The following MYT1L variants were observed in gnomAD, a reference collection of about 807,000 sequenced individuals.
The protein encoded by MYT1L is myelin transcription factor 1 like, also known as myelin transcription factor 1-like protein.
MYT1L carries 12 observed loss-of-function variants against 126.7 expected under a neutral mutation model. The observed-to-expected ratio is 0.09, with a 90% CI of 0.06 to 0.15. The LOEUF (loss-of-function observed/expected upper bound fraction) is 0.15. Among genes scored for constraint, MYT1L ranks in the 10% least tolerant of loss-of-function variants. The probability of loss-of-function intolerance (pLI) is 1.00; values close to 1 mark genes in which losing one functional copy is unlikely to be tolerated. For synonymous variants in MYT1L, 541 were observed against 604.2 expected (o/e 0.90, Z 1.53); for missense variants, 979 against 1,585.2 (o/e 0.62, Z 6.49).
intron 2 of MYT1L, among the ~76,000 whole-genome samples, chr2:2,176,278 G>A (rs1339317983): frequency 6.6e-6 from 1 of 152,144 alleles, no homozygotes; most frequent in Non-Finnish European, 1.5e-5. Context: ...GGAAAAGAAT[G>A]TACAGCCAGT....
intron 18 of MYT1L, among the ~76,000 whole-genome samples, chr2:1,876,635 G>A (rs748314155): frequency 6.6e-6 from 1 of 152,108 alleles, no homozygotes; most frequent in Non-Finnish European, 1.5e-5. Context: ...TATGCGTGCC[G>A]CCATTGAAAC....
intron 2 of MYT1L, among the ~76,000 whole-genome samples, chr2:2,183,449 C>T (rs1221568738): frequency 6.6e-6 from 1 of 152,116 alleles, no homozygotes; most frequent in Non-Finnish European, 1.5e-5. Flanking sequence ...TTTCCTAAAG[C>T]TTGCTTTGTT....
intron 4 of MYT1L, among the ~76,000 whole-genome samples, chr2:2,001,539 G>C (rs943258520): frequency 6.6e-6 from 1 of 152,202 alleles, no homozygotes; most frequent in African/African-American, 2.4e-5. Flanking sequence ...AAGTGAGTGA[G>C]AGCGTCTCTG....
At chr2:1,817,304 T>TC (rs1224922698) in intron 21 of MYT1L, among the ~76,000 whole-genome samples, 1 of 151,732 alleles carries the variant, frequency 6.6e-6, no homozygotes, top group Non-Finnish European at 1.5e-5. Flanking sequence ...GGGAGGCAAG[T>TC]CCCCCATGGG....
intron 21 of MYT1L, among the ~76,000 whole-genome samples, chr2:1,814,156 C>T (rs1012131343): frequency 1.3e-5 from 2 of 152,138 alleles, no homozygotes; most frequent in Admixed American, 6.5e-5. Context: ...TCCCGCTGTC[C>T]ACTCACGAAT....
chr2:2,008,039 G>A (rs2063492080), intron 4 of MYT1L, among the ~76,000 whole-genome samples: 1 of 152,096 alleles, frequency 6.6e-6, no homozygotes, highest in African/African-American at 2.4e-5. Context: ...GGCTTTTTGA[G>A]GCATCTTCTC....
At chr2:1,832,439 G>A (rs1202097861) in intron 21 of MYT1L, among the ~76,000 whole-genome samples, 1 of 152,204 alleles carries the variant, frequency 6.6e-6, no homozygotes, top group Non-Finnish European at 1.5e-5. Flanking sequence ...TTCTTTCCTT[G>A]TGTTCCCAAC....
At chr2:2,129,893 G>A (rs1284923112) in intron 3 of MYT1L, among the ~76,000 whole-genome samples, 4 of 141,408 alleles carry the variant, frequency 2.8e-5, no homozygotes, top group African/African-American at 5.5e-5. Flanking sequence ...GCGACAGAGC[G>A]AGACTCCATC....
At chr2:1,964,248 C>T (rs765777139) in intron 8 of MYT1L, among the ~76,000 whole-genome samples, 6 of 152,156 alleles carry the variant, frequency 3.9e-5, no homozygotes, top group Admixed American at 6.5e-5. Flanking sequence ...CTTACACGGG[C>T]GCGGTTCCTG....
intron 5 of MYT1L, among the ~76,000 whole-genome samples, chr2:1,994,785 T>C (rs1325655536): frequency 6.6e-6 from 1 of 152,226 alleles, no homozygotes; most frequent in Non-Finnish European, 1.5e-5. Flanking sequence ...AATTCAAATA[T>C]GTTTTGCCAT....
intron 4 of MYT1L, 104 bp downstream of exon 4, chr2:2,053,874 A>G (rs1272244265): frequency 6.6e-6 from 1 of 152,626 alleles, no homozygotes; most frequent in Non-Finnish European, 1.5e-5. Context: ...TCATTCACAA[A>G]CCTATATTTA....
chr2:2,144,058 C>G (rs1216807051), intron 3 of MYT1L, among the ~76,000 whole-genome samples: 1 of 152,102 alleles, frequency 6.6e-6, no homozygotes, highest in African/African-American at 2.4e-5. Flanking sequence ...TCATACAATA[C>G]ACCCAGCTAA....
At chr2:1,800,952 A>C (rs909586231) in intron 23 of MYT1L, among the ~76,000 whole-genome samples, 2 of 151,878 alleles carry the variant, frequency 1.3e-5, no homozygotes, top group African/African-American at 2.4e-5. Flanking sequence ...GGGCAATGTG[A>C]GGGTCGGGTG....
intron 3 of MYT1L, among the ~76,000 whole-genome samples, chr2:2,093,505 T>C (rs2077112792): frequency 6.6e-6 from 1 of 152,190 alleles, no homozygotes; most frequent in Admixed American, 6.5e-5. Context: ...GAAGTGTCTG[T>C]TCATATCCTT....
At position 1,923,031 on chromosome 2, in the gene MYT1L, T is replaced by C; in HGVS notation, c.738A>G (p.Lys246=). 1.2e-6 allele frequency: 2 copies of C among 1,614,046 alleles called. No individual in the cohort carries two copies. The highest frequency in any genetic ancestry group is 1.7e-6 in the Non-Finnish European group (2 of 1,179,902). ...DSDKNENLGR[K]SELSLDLDSD... The stretch of plus-strand genomic sequence containing the variant: ...TGTCTAAGTCTAAACTCAACTCACT[T>C]TTCCGACCCAGGTTTTCGTTTTTGT... Residue 246 remains lysine (K), a synonymous_variant, in exon 10 of 25, where the codon AAA becomes AAG. Transcript: ENST00000647738.
chr2:1,926,154 G>A (rs1012647764), intron 9 of MYT1L, among the ~76,000 whole-genome samples: 4 of 152,164 alleles, frequency 2.6e-5, no homozygotes, highest in African/African-American at 9.7e-5. Flanking sequence ...TGAAGATGGC[G>A]TGGGTGGCCT....
chr2:1,842,754 G>T (rs896588075), intron 19 of MYT1L: 2 of 154,912 alleles, frequency 1.3e-5, no homozygotes, highest in South Asian at 3.9e-4. Context: ...TAGACTCATC[G>T]TCCACGTCAC....
intron 14 of MYT1L, among the ~76,000 whole-genome samples, chr2:1,892,812 C>T (rs1418666227): frequency 8.8e-4 from 134 of 152,310 alleles, no homozygotes; most frequent in Non-Finnish European, 7.4e-5. Flanking sequence ...GCCAGAGGGG[C>T]CCCGGCAGCC....
chr2:1,853,807 C>T (rs1290031361), intron 18 of MYT1L, among the ~76,000 whole-genome samples: 1 of 152,150 alleles, frequency 6.6e-6, no homozygotes, highest in Non-Finnish European at 1.5e-5. Context: ...AGGAAGTTGA[C>T]TCTTCTGCTC....
Sources: allele counts gnomAD v4.1 joint callset (sites outside exome capture counted in the v4.1 genomes callset), GRCh38; gene constraint gnomAD v4.1.1; transcripts MANE v1.5; gene names NCBI Gene and HGNC (gene_info 2026-07-23, HGNC 2026-07-21).